PDE4D: variants seen among roughly 807,000 people sequenced by gnomAD.
The protein encoded by PDE4D is 3',5'-cyclic-AMP phosphodiesterase 4D.
PDE4D carries 24 observed loss-of-function variants against 87.4 expected under a neutral mutation model. The observed-to-expected ratio is 0.27, with a 90% confidence interval of 0.20 to 0.39. The LOEUF (loss-of-function observed/expected upper bound fraction) is 0.39, where lower values mean the gene tolerates loss of function less well. Among genes scored for constraint, PDE4D ranks in the 10% least tolerant of loss-of-function variants. The pLI is 1.00. For synonymous variants in PDE4D, 384 were observed against 383.2 expected, an observed-to-expected ratio of 1.00 and a Z score of -0.02; for missense variants, 714 against 1,041.0, an observed-to-expected ratio of 0.69 and a Z score of 4.32.
rs966001156 is a variant in PDE4D at position 59,676,018 on chromosome 5, C to T, written c.455+217150G>A. ...AAAAATATAGTGTTAAGAGATCACACTGTGACCTATAACATTTATATATTT... is the reference window on the plus strand; with the variant it reads ...AAAAATATAGTGTTAAGAGATCACATTGTGACCTATAACATTTATATATTT... On this transcript the variant is annotated intron_variant, in intron 1 of 14. Transcript: ENST00000340635. Among the ~76,000 whole-genome samples, 55 of 152,078 alleles carry T rather than the reference C, an allele frequency of 3.6e-4. 1 individual carries two copies. Among genetic ancestry groups the T allele is most frequent in the Admixed American group, 3.5e-3 (54 of 15,262 alleles).
intron 1 of PDE4D, among the ~76,000 whole-genome samples, chr5:60,285,076 A>G (rs1328055546): frequency 6.6e-6 from 1 of 152,004 alleles, no homozygotes; most frequent in Admixed American, 6.6e-5. Flanking sequence ...ATCTTTTATG[A>G]TTGGCTCACC....
intron 1 of PDE4D, among the ~76,000 whole-genome samples, chr5:59,711,144 A>G (rs1240945154): frequency 6.6e-6 from 1 of 152,086 alleles, no homozygotes; most frequent in African/African-American, 2.4e-5. Context: ...TGTATCTCAC[A>G]TTGTTTCTTA....
chr5:59,655,810 G>T (rs1297618521), intron 1 of PDE4D, among the ~76,000 whole-genome samples: 1 of 152,156 alleles, frequency 6.6e-6, no homozygotes, highest in African/African-American at 2.4e-5. Flanking sequence ...TAATAGAAAT[G>T]ATAAAATCAA....
intron 2 of PDE4D, among the ~76,000 whole-genome samples, chr5:60,059,849 C>T (rs939800178): frequency 6.6e-6 from 1 of 151,974 alleles, no homozygotes; most frequent in African/African-American, 2.4e-5. Context: ...AAAATAATAG[C>T]TCCAGACAAA....
At chr5:59,228,608 C>T (rs1216803630) in intron 1 of PDE4D, among the ~76,000 whole-genome samples, 1 of 152,072 alleles carries the variant, frequency 6.6e-6, no homozygotes, top group Non-Finnish European at 1.5e-5. Flanking sequence ...CAGCCACCCA[C>T]CCACATTTAT....
intron 6 of PDE4D, among the ~76,000 whole-genome samples, chr5:59,032,199 AAT>A (rs1370684173): frequency 6.6e-6 from 1 of 152,216 alleles, no homozygotes; most frequent in Non-Finnish European, 1.5e-5. Flanking sequence ...ATACCCAAGA[AAT>A]AGATACAATT....
intron 2 of PDE4D, among the ~76,000 whole-genome samples, chr5:60,104,083 G>A (rs1218469302): frequency 6.6e-6 from 1 of 152,154 alleles, no homozygotes; most frequent in African/African-American, 2.4e-5. Flanking sequence ...AAGCGCAAGG[G>A]GTCAGGGAGT....
In PDE4D at chr5:59,002,626, C is replaced by A. The variant is rs564634535; in HGVS notation, c.922-9161G>T. ...CATGCCTGGCCAGTCTTCAGCAATG[C>A]CAGCCACCCCAGCCCAGAGCCAGAC... On this transcript the variant is annotated intron_variant, in intron 6 of 14. Transcript: ENST00000340635. 3.9e-5 allele frequency among the ~76,000 whole-genome samples: 6 copies of A among 152,222 alleles called. No individual in the cohort carries two copies. The South Asian group carries it at 8.3e-4, about 21-fold the overall frequency.
intron 1 of PDE4D, among the ~76,000 whole-genome samples, chr5:59,665,722 G>GTAA (rs781576798): frequency 2.0e-5 from 3 of 152,184 alleles, no homozygotes; most frequent in Non-Finnish European, 4.4e-5. Flanking sequence ...CCTTTGGGAG[G>GTAA]TAATTAGGTC....
chr5:59,814,487 A>G (rs1254603400), intron 1 of PDE4D, among the ~76,000 whole-genome samples: 4 of 152,208 alleles, frequency 2.6e-5, no homozygotes, highest in African/African-American at 9.7e-5. Context: ...TGTCTAGAAT[A>G]TGATGAAATC....
chr5:60,043,737 C>G (rs564596661), intron 2 of PDE4D, among the ~76,000 whole-genome samples: 2 of 150,224 alleles, frequency 1.3e-5, no homozygotes, highest in East Asian at 3.9e-4. Flanking sequence ...CTCTTCTTTT[C>G]TTTACGTAGA....
intron 3 of PDE4D, among the ~76,000 whole-genome samples, chr5:59,189,040 C>T (rs1013046817): frequency 2.0e-5 from 3 of 152,020 alleles, no homozygotes; most frequent in Admixed American, 6.6e-5. Context: ...GGTGATGAGG[C>T]CACAAGATCG....
At chr5:60,100,446 A>G (rs1483944344) in intron 2 of PDE4D, among the ~76,000 whole-genome samples, 1 of 152,020 alleles carries the variant, frequency 6.6e-6, no homozygotes, top group East Asian at 1.9e-4. Flanking sequence ...AGAGAAGAAG[A>G]AAGGAAGGAG....
intron 1 of PDE4D, among the ~76,000 whole-genome samples, chr5:59,433,131 C>G (rs1796345701): frequency 6.7e-6 from 1 of 148,466 alleles, no homozygotes; most frequent in African/African-American, 2.6e-5. Context: ...AGCATTTTCA[C>G]ATGCCAGCTA....
chr5:60,040,118 A>G (rs1768295914), intron 2 of PDE4D, among the ~76,000 whole-genome samples: 1 of 152,178 alleles, frequency 6.6e-6, no homozygotes, highest in Non-Finnish European at 1.5e-5. Flanking sequence ...TATTGGACTA[A>G]TTTATCTATG....
At chr5:60,158,428 C>T (rs1236005160) in intron 2 of PDE4D, among the ~76,000 whole-genome samples, 1 of 152,032 alleles carries the variant, frequency 6.6e-6, no homozygotes, top group Admixed American at 6.6e-5. Context: ...AAACACCTAC[C>T]GTGAATGGAG....
At chr5:59,978,871 G>A (rs1453603462) in intron 3 of PDE4D, among the ~76,000 whole-genome samples, 1 of 152,022 alleles carries the variant, frequency 6.6e-6, no homozygotes, top group African/African-American at 2.4e-5. Context: ...CTCTCCACCA[G>A]CAAAATGTTT....
rs113528603 is a variant in PDE4D at position 60,303,700 on chromosome 5, G to A, written c.-89-118013C>T. ...TTCAGTTGTTTTGCATTTGCGAGGC[G>A]TGTTTTACTTCCGGTTATGTGATTA... On this transcript the variant is annotated intron_variant, in intron 1 of 16. Coordinates refer to the PDE4D transcript ENST00000502484. Among the ~76,000 whole-genome samples, 716 of 152,260 alleles carry A rather than the reference G, an allele frequency of 4.7e-3. 6 individuals carry two copies. The highest frequency in any genetic ancestry group is 0.016 in the African/African-American group (672 of 41,554).
At chr5:59,477,373 A>AT (rs35027879) in intron 1 of PDE4D, among the ~76,000 whole-genome samples, 31,601 of 142,832 alleles carry the variant, frequency 0.22, 3,540 homozygotes, top group African/African-American at 0.26. Flanking sequence ...AAAAAAAAAA[A>AT]ATTAAAGAAT....
Sources: allele counts gnomAD v4.1 joint callset (sites outside exome capture counted in the v4.1 genomes callset), GRCh38; gene constraint gnomAD v4.1.1; transcripts MANE v1.5; gene names NCBI Gene and HGNC (gene_info 2026-07-23, HGNC 2026-07-21).